Variants in SCUBE1 observed in about 807,000 individuals in gnomAD.
SCUBE1 encodes the protein signal peptide, CUB domain and EGF like domain containing 1, also known as signal peptide, CUB and EGF-like domain-containing protein 1.
In SCUBE1, 59 loss-of-function variants were observed where a neutral mutation model predicts 124.4. The ratio of observed to expected loss-of-function variants is 0.47; its 90% CI spans 0.38 to 0.59. The LOEUF (loss-of-function observed/expected upper bound fraction) is 0.59, where lower values mean the gene tolerates loss of function less well. SCUBE1 is among the 20% of genes least tolerant of loss of function. The probability of loss-of-function intolerance (pLI) is 0.00; values close to 1 mark genes in which losing one functional copy is unlikely to be tolerated. For synonymous variants in SCUBE1, 545 were observed against 550.9 expected, an observed-to-expected ratio of 0.99 and a Z score of 0.15; for missense variants, 1,150 against 1,371.2, an observed-to-expected ratio of 0.84 and a Z score of 2.55.
intron 9 of SCUBE1, among the ~76,000 whole-genome samples, chr22:43,228,100 G>A (rs1922399613): frequency 6.6e-6 from 1 of 152,202 alleles, no homozygotes; most frequent in South Asian, 2.1e-4. Flanking sequence ...AGAAGCCCAA[G>A]CACCAGCTAT....
chr22:43,331,756 G>T (rs907361831), intron 2 of SCUBE1, among the ~76,000 whole-genome samples: 2 of 152,210 alleles, frequency 1.3e-5, no homozygotes, highest in African/African-American at 4.8e-5. Flanking sequence ...CCCCCAGCCT[G>T]CCCCCTCAGC....
intron 6 of SCUBE1, among the ~76,000 whole-genome samples, chr22:43,256,500 C>T (rs1375219403): frequency 2.0e-5 from 3 of 151,984 alleles, no homozygotes; most frequent in Admixed American, 6.6e-5. Flanking sequence ...GAAGTAGCAG[C>T]AGCAGGGGCT....
chr22:43,308,866 A>G (rs1926071963), intron 3 of SCUBE1, among the ~76,000 whole-genome samples: 1 of 152,262 alleles, frequency 6.6e-6, no homozygotes, highest in African/African-American at 2.4e-5. Flanking sequence ...CATTTCACAG[A>G]GACCAAAACT....
At chr22:43,342,640 G>A (rs1601907758) in intron 1 of SCUBE1, among the ~76,000 whole-genome samples, 1 of 151,604 alleles carries the variant, frequency 6.6e-6, no homozygotes, top group Non-Finnish European at 1.5e-5. Flanking sequence ...CGGGCGGTGC[G>A]GGCCTCCTCT....
At chr22:43,298,498 G>GC (rs1925646958) in intron 3 of SCUBE1, among the ~76,000 whole-genome samples, 1 of 152,236 alleles carries the variant, frequency 6.6e-6, no homozygotes, top group Non-Finnish European at 1.5e-5. Context: ...AACCCAGCAA[G>GC]CCAGCCCAGG....
At chr22:43,251,140 C>T (rs887406932) in intron 6 of SCUBE1, among the ~76,000 whole-genome samples, 8 of 152,166 alleles carry the variant, frequency 5.3e-5, no homozygotes, top group Admixed American at 3.9e-4. Context: ...AGAGCCGGGG[C>T]AGAGGGAATG....
intron 6 of SCUBE1, among the ~76,000 whole-genome samples, chr22:43,250,798 G>A (rs1393149886): frequency 2.6e-5 from 4 of 152,190 alleles, no homozygotes; most frequent in African/African-American, 9.7e-5. Context: ...TGGGGGTGGT[G>A]GGACCCCTGG....
At chr22:43,223,818 C>A (rs1226770021) in intron 10 of SCUBE1, among the ~76,000 whole-genome samples, 1 of 152,210 alleles carries the variant, frequency 6.6e-6, no homozygotes, top group Admixed American at 6.5e-5. Flanking sequence ...CTGAAAGCCA[C>A]CTCATGAGTG....
chr22:43,307,392 G>A (rs28594100), intron 3 of SCUBE1, among the ~76,000 whole-genome samples: 9,885 of 152,288 alleles, frequency 0.065, 977 homozygotes, highest in African/African-American at 0.21. Flanking sequence ...AGGAAAGGGC[G>A]GGATGGTTAT....
chr22:43,214,402 G>T, intron 15 of SCUBE1, 151 bp from the exon 16 acceptor site: 2 of 662,768 alleles, frequency 3.0e-6, no homozygotes, highest in South Asian at 4.2e-5. Flanking sequence ...TATCCCAGAA[G>T]AGCCTGGGGC....
chr22:43,266,918 C>A (rs917579879), intron 4 of SCUBE1, among the ~76,000 whole-genome samples: 1 of 152,160 alleles, frequency 6.6e-6, no homozygotes, highest in African/African-American at 2.4e-5. Flanking sequence ...TACTGGCAGG[C>A]CCTGAGTGTG....
chr22:43,304,645 ATGG>A (rs1254179287), intron 3 of SCUBE1, among the ~76,000 whole-genome samples: 1 of 152,124 alleles, frequency 6.6e-6, no homozygotes, highest in African/African-American at 2.4e-5. Flanking sequence ...AGGAGAGCAC[ATGG>A]TATATATGGC....
intron 4 of SCUBE1, among the ~76,000 whole-genome samples, chr22:43,280,745 CCCT>C (rs530183745): frequency 4.7e-4 from 33 of 70,400 alleles, no homozygotes; most frequent in African/African-American, 1.5e-3. Context: ...TCCTCGGCCA[CCCT>C]CCTGTCACCT....
intron 2 of SCUBE1, among the ~76,000 whole-genome samples, chr22:43,329,734 C>T (rs1034773384): frequency 6.6e-6 from 1 of 152,238 alleles, no homozygotes; most frequent in Non-Finnish European, 1.5e-5. Flanking sequence ...TCTTGGAGCA[C>T]CCTCTGAGAC....
intron 3 of SCUBE1, among the ~76,000 whole-genome samples, chr22:43,303,509 C>A (rs12170036): frequency 6.6e-6 from 1 of 152,228 alleles, no homozygotes; most frequent in Non-Finnish European, 1.5e-5. Context: ...GCTGACATAC[C>A]GGAGAAAGGC....
At position 43,343,174 on chromosome 22, in the gene SCUBE1, C is replaced by G; in HGVS notation, c.88G>C (p.Gly30Arg). 1 of 1,174,548 alleles carries G rather than the reference C, an allele frequency of 8.5e-7. No individual in the cohort carries two copies. Among genetic ancestry groups the G allele is most frequent in the Non-Finnish European group, 1.1e-6 (1 of 952,376 alleles). The allele number at this position is 1,174,548 out of a possible 1,614,324, so 72.8% of individuals were successfully genotyped here. A position where few individuals can be genotyped will look rare whatever the true frequency, so the allele number is the denominator to read the frequency against. Residue 30 changes from glycine to arginine, a missense_variant and splice_region_variant, in exon 1 of 22, where the codon GGG becomes CGG. Physicochemically the swap from Gly to Arg is moderately radical, Grantham distance 125. Around this residue, in one of 3 missense-constraint regions of SCUBE1, gnomAD observed 56 missense variants for 48.1 expected, o/e 1.16. Transcript: ENST00000360835. Reference protein sequence around the residue: ...GRLAGGSGLPGSVDVDECSEG... With the variant: ...GRLAGGSGLPRSVDVDECSEG... Reference sequence around the variant, plus strand: ...CCCCCCACCTCGGTCGGGGGCTTACCTGGGAGCCCGCTGCCCCCGGCCAGC... The same window carrying G: ...CCCCCCACCTCGGTCGGGGGCTTACGTGGGAGCCCGCTGCCCCCGGCCAGC...
intron 4 of SCUBE1, among the ~76,000 whole-genome samples, chr22:43,268,409 T>C (rs1463603232): frequency 6.6e-6 from 1 of 152,222 alleles, no homozygotes; most frequent in Non-Finnish European, 1.5e-5. Flanking sequence ...TTCCCAGAAA[T>C]CCTGGTCTTC....
rs17003577 is a variant in SCUBE1 at position 43,261,820 on chromosome 22, T to C, written c.610+900A>G. On this transcript the variant is annotated intron_variant, in intron 5 of 21. Transcript: ENST00000360835. ...TGCTTCCAGCAGTCTTCTTTGGCTCTTTGTAAAAAGGGCAAATATGACATC... is the reference window on the plus strand; with the variant it reads ...TGCTTCCAGCAGTCTTCTTTGGCTCCTTGTAAAAAGGGCAAATATGACATC... Among the ~76,000 whole-genome samples the C allele has an allele frequency of 4.5e-4, 69 of 152,360 alleles. No individual in the cohort carries two copies. In the East Asian group the frequency reaches 0.012, roughly 26 times the overall value.
intron 17 of SCUBE1, 123 bp downstream of exon 17, chr22:43,212,302 G>T: frequency 2.7e-6 from 3 of 1,114,706 alleles, no homozygotes; most frequent in Non-Finnish European, 2.5e-6. Context: ...ACAGCTCCAG[G>T]CTCCTCCTCT....
Sources: allele counts gnomAD v4.1 joint callset (sites outside exome capture counted in the v4.1 genomes callset), GRCh38; gene constraint gnomAD v4.1.1; regional missense constraint gnomAD v4.1.1; transcripts MANE v1.5; gene names NCBI Gene and HGNC (gene_info 2026-07-23, HGNC 2026-07-21).